PPFIA1: variants seen among roughly 807,000 people sequenced by gnomAD.
PPFIA1 encodes the protein PPFI scaffold protein A1, also known as liprin-alpha-1.
A neutral mutation model predicts 149.9 loss-of-function variants in PPFIA1; 25 were observed. The observed-to-expected ratio is 0.17, with a 90% CI of 0.12 to 0.23. The LOEUF (loss-of-function observed/expected upper bound fraction) is 0.23. Among genes scored for constraint, PPFIA1 ranks in the 10% least tolerant of loss-of-function variants. PPFIA1 has a pLI of 1.00. For missense variants in PPFIA1, 1,362 were observed against 1,506.5 expected, an observed-to-expected ratio of 0.90 and a Z score of 1.59; for synonymous variants, 549 against 552.8, an observed-to-expected ratio of 0.99 and a Z score of 0.10.
intron 2 of PPFIA1, among the ~76,000 whole-genome samples, chr11:70,286,740 A>ATCTT (rs1180401841): frequency 8.4e-5 from 12 of 143,634 alleles, no homozygotes; most frequent in South Asian, 2.2e-4. Context: ...TTGCAGCAAG[A>ATCTT]TCTTTCTTTC....
chr11:70,304,632 C>T lies in PPFIA1; in HGVS notation c.265-19770C>T, dbSNP rs73517122. Reference sequence around the variant, plus strand: ...GTCACAACCTGGGACTTGTACTTGGCACCTGCAAAGGACTGGGGGAGTGGT... The same window carrying T: ...GTCACAACCTGGGACTTGTACTTGGTACCTGCAAAGGACTGGGGGAGTGGT... On this transcript the variant is annotated intron_variant, in intron 2 of 27. Coordinates refer to ENST00000253925, the MANE Select transcript of PPFIA1 (RefSeq NM_003626.5). 5.6e-3 allele frequency among the ~76,000 whole-genome samples: 852 copies of T among 152,276 alleles called. 4 individuals carry two copies. Among genetic ancestry groups the T allele is most frequent in the African/African-American group, 0.02 (817 of 41,546 alleles).
Position 70,362,458 on chromosome 11 carries a change from C to T in PPFIA1, c.2835C>T (p.Thr945=), listed in dbSNP as rs1329442359. ...RLAIQEIMSL[T]SPSAPPTSRT... is the part of the protein sequence containing the mutation. ...CCATCCAGGAGATCATGTCGCTGAC[C>T]AGCCCGTCTGCCCCGCCCACATCTA... Residue 945 remains threonine, a synonymous_variant, in exon 21 of 28, where the codon ACC becomes ACT. Transcript: ENST00000253925. 3 of 1,613,844 alleles carry T rather than the reference C, an allele frequency of 1.9e-6. No individual in the cohort carries two copies. In the East Asian group the frequency reaches 6.7e-5, roughly 36 times the overall value.
intron 8 of PPFIA1, 139 bp from the exon 9 acceptor site, chr11:70,331,821 C>A (rs2136946623): frequency 1.1e-6 from 1 of 950,088 alleles, no homozygotes; most frequent in Non-Finnish European, 1.5e-6. Context: ...AAAACCTGAC[C>A]CAGAAGCAAC....
At chr11:70,330,959 C>T (rs1191868345) in intron 8 of PPFIA1, among the ~76,000 whole-genome samples, 1 of 151,266 alleles carries the variant, frequency 6.6e-6, no homozygotes, top group Admixed American at 6.6e-5. Flanking sequence ...TGCGGCCAGG[C>T]GCGGTGGCTC....
chr11:70,298,289 G>C lies in PPFIA1; in HGVS notation c.264+25853G>C, dbSNP rs576054810. Among the ~76,000 whole-genome samples the C allele has an allele frequency of 2.0e-5, 3 of 152,292 alleles. No individual in the cohort carries two copies. The South Asian group carries it at 6.2e-4, about 32-fold the overall frequency. ...GGGGTGCTGAGCTGAGTGGTAGAAG[G>C]CCTATGCAGGAGGCAGTAGTGGGTG... On this transcript the variant is annotated intron_variant, in intron 2 of 27. Coordinates refer to ENST00000253925, the MANE Select transcript of PPFIA1 (RefSeq NM_003626.5).
At chr11:70,321,686 G>A (rs1177004104) in intron 2 of PPFIA1, among the ~76,000 whole-genome samples, 2 of 152,184 alleles carry the variant, frequency 1.3e-5, no homozygotes, top group Admixed American at 1.3e-4. Flanking sequence ...CAGGATGATA[G>A]ACTCTGGACC....
intron 19 of PPFIA1, among the ~76,000 whole-genome samples, chr11:70,360,473 T>C (rs1234026378): frequency 6.6e-6 from 1 of 152,238 alleles, no homozygotes; most frequent in Non-Finnish European, 1.5e-5. Context: ...CCCCGGACGC[T>C]CAAAGCCTTA....
chr11:70,318,668 G>T (rs958693271), intron 2 of PPFIA1, among the ~76,000 whole-genome samples: 1 of 152,262 alleles, frequency 6.6e-6, no homozygotes, highest in South Asian at 2.1e-4. Flanking sequence ...ACTCAGTCCA[G>T]TGAGGGTTTT....
At chr11:70,295,110 C>A (rs2051821160) in intron 2 of PPFIA1, among the ~76,000 whole-genome samples, 1 of 151,968 alleles carries the variant, frequency 6.6e-6, no homozygotes, top group African/African-American at 2.4e-5. Flanking sequence ...AGAGGGGCTC[C>A]TTACTTCCCA....
chr11:70,275,076 A>G (rs1363283139), intron 2 of PPFIA1, among the ~76,000 whole-genome samples: 1 of 152,232 alleles, frequency 6.6e-6, no homozygotes, highest in African/African-American at 2.4e-5. Context: ...ATGAGAAGTC[A>G]GTTGCTCCTA....
At chr11:70,366,832 C>T (rs1383669654) in intron 21 of PPFIA1, among the ~76,000 whole-genome samples, 1 of 152,098 alleles carries the variant, frequency 6.6e-6, no homozygotes. Context: ...AGACTGTCCC[C>T]CCACCTTTTT....
rs778522652 is a variant in PPFIA1, at chr11:70,378,182, G to T, written c.3537G>T (p.Lys1179Asn). The change falls in exon 26 of 28, where the codon AAG becomes AAT. Residue 1179 changes from lysine to asparagine, a missense_variant. Around this residue, in one of 7 missense-constraint regions of PPFIA1, gnomAD observed 349 missense variants for 373.3 expected, o/e 0.93. Coordinates refer to ENST00000253925, the MANE Select transcript of PPFIA1 (RefSeq NM_003626.5). The stretch of plus-strand genomic sequence containing the variant: ...CTTCCCCCTCTATGCAGCCAAAGAA[G>T]ATGCAGATGGACGGTATGTGATGGG... ...SMSSPSMQPK[K>N]MQMDGNVSGT... is the part of the protein sequence containing the mutation. The T allele has an allele frequency of 6.2e-7, 1 of 1,614,052 alleles. No homozygotes were observed. The highest frequency in any genetic ancestry group is 1.7e-5 in the Admixed American group (1 of 60,000).
At chr11:70,305,328 AACTAGAGTAAACAGTTTG>A (rs1365827573) in intron 2 of PPFIA1, among the ~76,000 whole-genome samples, 1 of 152,186 alleles carries the variant, frequency 6.6e-6, no homozygotes, top group Non-Finnish European at 1.5e-5. Context: ...CTTAGCATGC[AACTAGAGTAAACAGTTTG>A]ACCTACCAAC....
chr11:70,378,267 T>G (rs1028354440), intron 26 of PPFIA1, 72 bp downstream of exon 26: 1 of 1,547,126 alleles, frequency 6.5e-7, no homozygotes, highest in South Asian at 1.3e-5. Context: ...ACATTAATAA[T>G]GATCTAAAAC....
At chr11:70,281,092 A>C (rs183464427) in intron 2 of PPFIA1, among the ~76,000 whole-genome samples, 1 of 152,132 alleles carries the variant, frequency 6.6e-6, no homozygotes, top group African/African-American at 2.4e-5. Flanking sequence ...TGATAACTCT[A>C]TTATATGGGT....
chr11:70,333,419 T>A (rs554457489), intron 9 of PPFIA1, 51 bp from the exon 10 acceptor site: 1 of 1,433,632 alleles, frequency 7.0e-7, no homozygotes, highest in South Asian at 1.2e-5. Flanking sequence ...ATGCAGCATG[T>A]CGTTAATGAA....
chr11:70,335,533 G>A (rs367978700), intron 10 of PPFIA1, 30 bp from the exon 11 acceptor site: 2 of 1,610,070 alleles, frequency 1.2e-6, no homozygotes, highest in Admixed American at 1.7e-5. Context: ...TTTACGTGAG[G>A]TTTATAAGAC....
At chr11:70,340,239 T>C (rs916449274) in intron 14 of PPFIA1, among the ~76,000 whole-genome samples, 4 of 151,788 alleles carry the variant, frequency 2.6e-5, no homozygotes, top group Non-Finnish European at 4.4e-5. Flanking sequence ...CCCAGGAGAT[T>C]GAGACCAGCC....
intron 2 of PPFIA1, among the ~76,000 whole-genome samples, chr11:70,319,659 C>T (rs1222456723): frequency 3.3e-5 from 5 of 152,152 alleles, no homozygotes; most frequent in Non-Finnish European, 7.4e-5. Context: ...TGTTCAGAGT[C>T]CTCAAAGCCT....
Sources: gnomAD v4.1 joint callset for allele counts (sites outside exome capture counted in the v4.1 genomes callset) on GRCh38, gnomAD v4.1.1 for gene constraint, gnomAD v4.1.1 regional missense constraint, MANE v1.5 for transcripts, NCBI Gene and HGNC (gene_info 2026-07-23, HGNC 2026-07-21) for gene names.